The following FMN2 variants were observed in gnomAD, a reference collection of about 807,000 sequenced individuals.
FMN2 encodes formin-2.
In FMN2, 51 loss-of-function variants were observed where a neutral mutation model predicts 142.3. The observed-to-expected ratio is 0.36, with a 90% CI of 0.29 to 0.45. FMN2 has a LOEUF of 0.45. FMN2 is among the 20% of genes least tolerant of loss of function. The probability of loss-of-function intolerance (pLI) is 1.00; values close to 1 mark genes in which losing one functional copy is unlikely to be tolerated. For missense variants in FMN2, 1,936 were observed against 2,122.8 expected (o/e 0.91, Z 1.73); for synonymous variants, 882 against 869.8 (o/e 1.01, Z -0.25).
chr1:240,424,810 A>G (rs1032240500), intron 15 of FMN2, among the ~76,000 whole-genome samples: 2 of 152,198 alleles, frequency 1.3e-5, no homozygotes, highest in Non-Finnish European at 2.9e-5. Flanking sequence ...TCCATATTCA[A>G]AGTCCACAGA....
At chr1:240,340,578 C>A (rs566124793) in intron 13 of FMN2, among the ~76,000 whole-genome samples, 6 of 152,004 alleles carry the variant, frequency 3.9e-5, no homozygotes, top group Admixed American at 3.3e-4. Context: ...GAGACTCCAT[C>A]TCAAACTGAA....
intron 7 of FMN2, among the ~76,000 whole-genome samples, chr1:240,264,309 A>G (rs562624503): frequency 1.3e-5 from 2 of 152,296 alleles, no homozygotes; most frequent in Non-Finnish European, 2.9e-5. Flanking sequence ...AATTGTCCTA[A>G]TGTAGCAGGT....
intron 16 of FMN2, among the ~76,000 whole-genome samples, chr1:240,455,853 T>C (rs1420868650): frequency 6.6e-6 from 1 of 152,010 alleles, no homozygotes; most frequent in Non-Finnish European, 1.5e-5. Flanking sequence ...CAGGCACCTG[T>C]AGTCCCAGCT....
At chr1:240,337,861 A>T (rs780631060) in intron 13 of FMN2, among the ~76,000 whole-genome samples, 3 of 152,040 alleles carry the variant, frequency 2.0e-5, no homozygotes, top group Admixed American at 1.3e-4. Context: ...TTCTCTGCTC[A>T]CTCCCAAGAT....
intron 2 of FMN2, among the ~76,000 whole-genome samples, chr1:240,148,434 GAGAGAGAC>G (rs1191195160): frequency 1.6e-5 from 2 of 122,298 alleles, no homozygotes; most frequent in East Asian, 4.7e-4. Flanking sequence ...GATACAGAAA[GAGAGAGAC>G]AGAGAGAGAG....
chr1:240,239,028 T>A (rs1222192813), intron 6 of FMN2, among the ~76,000 whole-genome samples: 1 of 152,184 alleles, frequency 6.6e-6, no homozygotes, highest in Non-Finnish European at 1.5e-5. Context: ...TCCTATACAA[T>A]GATCTGAGTG....
In FMN2 at chr1:240,336,327, G is replaced by C. The variant is rs370619326; in HGVS notation, c.4765+2098G>C. ...TTTTGAGTACCTCAGAGTTTAAAGA[G>C]AGGATTTTAACCCTGAAGGTTTACA... On this transcript the variant is annotated intron_variant, in intron 13 of 17. Transcript: ENST00000319653. Among the ~76,000 whole-genome samples the C allele has an allele frequency of 1.6e-4, 24 of 152,096 alleles. No individual in the cohort carries two copies. In the East Asian group the frequency reaches 4.7e-3, roughly 29 times the overall value.
At chr1:240,452,540 A>T (rs1242728357) in intron 16 of FMN2, among the ~76,000 whole-genome samples, 3 of 151,962 alleles carry the variant, frequency 2.0e-5, no homozygotes, top group Non-Finnish European at 4.4e-5. Flanking sequence ...TTTATTTTTT[A>T]AAATTAACCT....
intron 7 of FMN2, among the ~76,000 whole-genome samples, chr1:240,276,126 C>T (rs185578069): frequency 6.6e-6 from 1 of 152,244 alleles, no homozygotes; most frequent in Non-Finnish European, 1.5e-5. Context: ...CAATCCCTAT[C>T]ATTTCTGCAA....
intron 5 of FMN2, among the ~76,000 whole-genome samples, chr1:240,210,023 A>C (rs1666627775): frequency 1.3e-5 from 2 of 152,186 alleles, no homozygotes; most frequent in Non-Finnish European, 2.9e-5. Context: ...CCATACCCCA[A>C]GTGTGAAATA....
chr1:240,293,860 T>G (rs573521022), intron 7 of FMN2, among the ~76,000 whole-genome samples: 1 of 152,318 alleles, frequency 6.6e-6, no homozygotes, highest in Non-Finnish European at 1.5e-5. Context: ...GATTTCCCAC[T>G]TGTCTTTTTA....
chr1:240,296,209 TTTTA>T (rs148583233), intron 8 of FMN2, among the ~76,000 whole-genome samples: 28,888 of 147,644 alleles, frequency 0.2, 3,053 homozygotes, highest in Admixed American at 0.31. Context: ...TTTTTTTTTT[TTTTA>T]ACAAAGGTGG....
chr1:240,329,197 C>A (rs145685084), intron 9 of FMN2, 30 bp downstream of exon 9: 3 of 1,611,662 alleles, frequency 1.9e-6, no homozygotes, highest in African/African-American at 2.7e-5. Flanking sequence ...ACGTAGAGGG[C>A]GTCCAGGCTA....
chr1:240,093,794 G>A, intron 1 of FMN2, 70 bp downstream of exon 1: 2 of 1,121,566 alleles, frequency 1.8e-6, no homozygotes, highest in Non-Finnish European at 2.3e-6. Context: ...CCTGCCACCC[G>A]CCCTCCCTGG....
At chr1:240,465,330 C>CTGTGTGTGTG (rs58873062) in intron 16 of FMN2, among the ~76,000 whole-genome samples, 1 of 131,584 alleles carries the variant, frequency 7.6e-6, no homozygotes, top group African/African-American at 2.9e-5. Context: ...ATGCCTCCCT[C>CTGTGTGTGTG]TGTGTGTGTG....
At chr1:240,229,289 A>C (rs1284840678) in intron 6 of FMN2, among the ~76,000 whole-genome samples, 5 of 152,072 alleles carry the variant, frequency 3.3e-5, no homozygotes, top group Non-Finnish European at 4.4e-5. Context: ...ATTGAACCTA[A>C]ATTTGAATGC....
intron 15 of FMN2, among the ~76,000 whole-genome samples, chr1:240,424,647 A>G (rs968275905): frequency 6.6e-6 from 1 of 152,156 alleles, no homozygotes; most frequent in African/African-American, 2.4e-5. Context: ...CGTAGACCTT[A>G]CTGTGGACCT....
At chr1:240,309,158 C>A (rs1670514002) in intron 8 of FMN2, among the ~76,000 whole-genome samples, 1 of 152,132 alleles carries the variant, frequency 6.6e-6, no homozygotes, top group South Asian at 2.1e-4. Context: ...ATAGTGATAA[C>A]TTTAACAGCA....
intron 4 of FMN2, among the ~76,000 whole-genome samples, chr1:240,196,964 C>T (rs1056481780): frequency 6.6e-6 from 1 of 152,204 alleles, no homozygotes; most frequent in Non-Finnish European, 1.5e-5. Context: ...TTGCCATCTC[C>T]TGGCATACAA....
Sources: allele counts gnomAD v4.1 joint callset (sites outside exome capture counted in the v4.1 genomes callset), GRCh38; gene constraint gnomAD v4.1.1; transcripts MANE v1.5; gene names NCBI Gene and HGNC (gene_info 2026-07-23, HGNC 2026-07-21).